Variants in APC observed in about 807,000 individuals in gnomAD.
The protein encoded by APC is APC regulator of Wnt signaling pathway, also known as adenomatous polyposis coli protein.
Under a neutral mutation model 247.0 loss-of-function variants are expected in APC, and 72 were observed. The observed-to-expected ratio is 0.29, with a 90% CI of 0.24 to 0.35. APC has a LOEUF of 0.35. Ranked by LOEUF, APC falls within the 10% of genes least tolerant of loss-of-function variation. APC has a pLI of 1.00. For missense variants in APC, 3,400 were observed against 3,360.7 expected (o/e 1.01, Z -0.29); for synonymous variants, 1,254 against 1,162.5 (o/e 1.08, Z -1.60).
At chr5:112,711,744 G>T (rs889741124) in intron 1 of APC, among the ~76,000 whole-genome samples, 2 of 152,162 alleles carry the variant, frequency 1.3e-5, no homozygotes, top group African/African-American at 4.8e-5. Flanking sequence ...AACCCAAAGA[G>T]ATGTTTTGGC....
At chr5:112,763,774 T>C (rs146044360) in intron 2 of APC, among the ~76,000 whole-genome samples, 96 of 152,356 alleles carry the variant, frequency 6.3e-4, no homozygotes, top group African/African-American at 2.2e-3. Context: ...TTAATGATTC[T>C]GCTTTCAGCA....
At chr5:112,780,695 A>G (rs769079099) in intron 5 of APC, 95 bp from the exon 6 acceptor site, 5 of 856,550 alleles carry the variant, frequency 5.8e-6, no homozygotes, top group Non-Finnish European at 9.6e-6. Context: ...GTATTTGCTT[A>G]TTCATTTTCT....
At chr5:112,744,061 C>T (rs1326949409) in intron 1 of APC, among the ~76,000 whole-genome samples, 1 of 151,828 alleles carries the variant, frequency 6.6e-6, no homozygotes, top group Non-Finnish European at 1.5e-5. Context: ...AGGCTGGTCT[C>T]GAACTCCTGT....
chr5:112,725,624 A>G (rs111412925), intron 1 of APC, among the ~76,000 whole-genome samples: 7,145 of 151,864 alleles, frequency 0.047, 427 homozygotes, highest in African/African-American at 0.15. Flanking sequence ...AGCTGGGCTC[A>G]GTAGTGCAGG....
At position 112,839,080 on chromosome 5, in the gene APC, T is replaced by C. The variant is rs1580636096; in HGVS notation, c.3486T>C (p.Tyr1162=). Residue 1162 remains tyrosine (Y), a synonymous_variant, in exon 16 of 16, where the codon TAT becomes TAC. Transcript: ENST00000257430. The surrounding 1 kb of genome is among the most constrained non-coding windows in gnomAD (Gnocchi z 5.0). The stretch of plus-strand genomic sequence containing the variant: ...AAGAAGAAGAGAGACCAACAAATTA[T>C]AGCATAAAATATAATGAAGAGAAAC... ...QHEEEERPTN[Y]SIKYNEEKRH... is the part of the protein sequence containing the mutation. 2.5e-6 allele frequency: 4 copies of C among 1,614,108 alleles called. No individual in the cohort carries two copies. In the South Asian group the frequency reaches 3.3e-5, roughly 13 times the overall value.
At chr5:112,728,879 T>G (rs962396507) in intron 1 of APC, among the ~76,000 whole-genome samples, 8 of 152,216 alleles carry the variant, frequency 5.3e-5, no homozygotes, top group Non-Finnish European at 1.0e-4. Context: ...CCCTTTTTAT[T>G]TGAAATACTT....
rs1554088147 is a variant in APC at position 112,842,819 on chromosome 5, G to A, written c.7225G>A (p.Gly2409Arg). The A allele has an allele frequency of 1.2e-6, 2 of 1,613,612 alleles. No homozygotes were observed. Among genetic ancestry groups the A allele is most frequent in the Non-Finnish European group, 8.5e-7 (1 of 1,179,626 alleles). Residue 2409 changes from glycine (G) to arginine (R), a missense_variant, in exon 16 of 16, where the codon GGA becomes AGA. Gly to Arg is a moderately radical substitution (Grantham distance 125, BLOSUM62 -2). This residue lies in a region of APC where 1,788 missense variants were observed against 1,649.5 expected (regional missense o/e 1.08). Transcript: ENST00000257430. The stretch of plus-strand genomic sequence containing the variant: ...ACTAAATCAGATGAATAATGGTAAT[G>A]GAGCCAATAAAAAGGTAGAACTTTC... The part of the protein sequence containing the change: ...KGLNQMNNGN[G>R]ANKKVELSRM...
intron 6 of APC, among the ~76,000 whole-genome samples, chr5:112,790,735 G>C (rs1759486810): frequency 6.6e-6 from 1 of 152,148 alleles, no homozygotes; most frequent in Non-Finnish European, 1.5e-5. Context: ...TTGTATTTAA[G>C]TAAAACTAGA....
chr5:112,711,056 C>T (rs1179903374), intron 1 of APC, among the ~76,000 whole-genome samples: 2 of 152,146 alleles, frequency 1.3e-5, no homozygotes, highest in Non-Finnish European at 2.9e-5. Flanking sequence ...TTCCTTAGAC[C>T]CAGGGGTCCC....
intron 1 of APC, among the ~76,000 whole-genome samples, chr5:112,711,941 C>T (rs1465044964): frequency 6.6e-6 from 1 of 152,082 alleles, no homozygotes; most frequent in Non-Finnish European, 1.5e-5. Context: ...CATTTATTTC[C>T]AAAGAAAGAG....
chr5:112,714,814 G>C (rs1382336147), intron 1 of APC, among the ~76,000 whole-genome samples: 2 of 152,080 alleles, frequency 1.3e-5, no homozygotes, highest in African/African-American at 4.8e-5. Flanking sequence ...TCTGTCCCAT[G>C]CATTACTCTA....
chr5:112,837,942 C>T lies in APC; in HGVS notation c.2348C>T (p.Ala783Val), dbSNP rs2149867005. 1.9e-6 allele frequency: 3 copies of T among 1,614,070 alleles called. No individual in the cohort carries two copies. The highest frequency in any genetic ancestry group is 2.5e-6 in the Non-Finnish European group (3 of 1,180,012). ...FDNIDNLSPKASHRSKQRHKQ... is the reference protein window; with the variant it reads ...FDNIDNLSPKVSHRSKQRHKQ... ...AATATAGACAATTTAAGTCCCAAGG[C>T]ATCTCATCGTAGTAAGCAGAGACAC... is the stretch of plus-strand genomic sequence containing the variant. Residue 783 changes from alanine (A) to valine (V), a missense_variant, in exon 16 of 16, where the codon GCA (alanine) becomes GTA (valine). This residue lies in a region of APC where 91 missense variants were observed against 103.3 expected (regional missense o/e 0.88). Coordinates refer to ENST00000257430, the MANE Select transcript of APC (RefSeq NM_000038.6).
At chr5:112,715,103 T>C (rs1751082147) in intron 1 of APC, among the ~76,000 whole-genome samples, 1 of 152,258 alleles carries the variant, frequency 6.6e-6, no homozygotes, top group African/African-American at 2.4e-5. Context: ...TATGATGCTC[T>C]TGCAGTTGTT....
intron 15 of APC, among the ~76,000 whole-genome samples, chr5:112,836,496 A>G (rs1013115331): frequency 1.3e-5 from 2 of 152,126 alleles, no homozygotes; most frequent in Admixed American, 6.6e-5. Context: ...TACCCTTGCC[A>G]TTCAGTTTTA....
At chr5:112,766,775 A>G (rs549660949) in intron 3 of APC, among the ~76,000 whole-genome samples, 18 of 152,214 alleles carry the variant, frequency 1.2e-4, no homozygotes, top group Non-Finnish European at 1.8e-4. Context: ...TTCTTCATTC[A>G]GGATAGAAAT....
chr5:112,809,755 A>T (rs1414845788), intron 8 of APC, among the ~76,000 whole-genome samples: 1 of 152,238 alleles, frequency 6.6e-6, no homozygotes, highest in Non-Finnish European at 1.5e-5. Context: ...GTAATCCAGC[A>T]CTTTGGGAGG....
intron 8 of APC, among the ~76,000 whole-genome samples, chr5:112,810,898 G>A (rs918903994): frequency 7.9e-5 from 12 of 152,104 alleles, no homozygotes; most frequent in African/African-American, 2.9e-4. Flanking sequence ...GGTGGCACAT[G>A]CCTGTAATCC....
At position 112,777,158 on chromosome 5, in the gene APC, G is replaced by A. The variant is rs7707339; in HGVS notation, c.531+1421G>A. 0.053 allele frequency among the ~76,000 whole-genome samples: 8,015 copies of A among 152,132 alleles called. 431 individuals are homozygous for A. The highest frequency in any genetic ancestry group is 0.15 in the East Asian group (797 of 5,174). ...AACTTGAAGTGATTTATTTTTCTTA[G>A]ATTGTTCAGAATGATGGCATTTCAG... On this transcript the variant is annotated intron_variant, in intron 5 of 15. Coordinates refer to ENST00000257430, the MANE Select transcript of APC (RefSeq NM_000038.6).
At chr5:112,801,833 AC>A (rs1202357740) in intron 8 of APC, among the ~76,000 whole-genome samples, 1 of 152,118 alleles carries the variant, frequency 6.6e-6, no homozygotes, top group African/African-American at 2.4e-5. Context: ...TCCAAGTCTT[AC>A]TGAAAAAGAT....
Sources: allele counts gnomAD v4.1 joint callset (sites outside exome capture counted in the v4.1 genomes callset), GRCh38; gene constraint gnomAD v4.1.1; regional missense constraint gnomAD v4.1.1; non-coding constraint Gnocchi (gnomAD v3.1); transcripts MANE v1.5; gene names NCBI Gene and HGNC (gene_info 2026-07-23, HGNC 2026-07-21).